FBN1: variants seen among roughly 807,000 people sequenced by gnomAD.
FBN1 encodes fibrillin 1.
A neutral mutation model predicts 365.1 loss-of-function variants in FBN1; 29 were observed. The ratio of observed to expected loss-of-function variants is 0.08; its 90% CI spans 0.06 to 0.11. The LOEUF (loss-of-function observed/expected upper bound fraction) is 0.11. Among genes scored for constraint, FBN1 ranks in the 10% least tolerant of loss-of-function variants. The pLI, the probability that FBN1 is intolerant of heterozygous loss-of-function variation, is 1.00. For synonymous variants in FBN1, 1,210 were observed against 1,270.5 expected (o/e 0.95, Z 1.01); for missense variants, 2,476 against 3,703.2 (o/e 0.67, Z 8.60).
intron 8 of FBN1, among the ~76,000 whole-genome samples, chr15:48,530,290 C>T (rs946139404): frequency 2.7e-5 from 4 of 146,886 alleles, no homozygotes; most frequent in Admixed American, 2.0e-4. Flanking sequence ...CATCCGCCGC[C>T]TGATCACAAC....
At chr15:48,607,488 T>C (rs1326714950) in intron 4 of FBN1, among the ~76,000 whole-genome samples, 1 of 150,624 alleles carries the variant, frequency 6.6e-6, no homozygotes, top group Non-Finnish European at 1.5e-5. Flanking sequence ...GTGATTAAGT[T>C]ATGCAGGCAG....
intron 17 of FBN1, among the ~76,000 whole-genome samples, chr15:48,502,983 C>T (rs963444514): frequency 1.3e-5 from 2 of 152,008 alleles, no homozygotes; most frequent in Non-Finnish European, 2.9e-5. Flanking sequence ...TTTTTTCTCT[C>T]AGGTTAAATC....
intron 7 of FBN1, among the ~76,000 whole-genome samples, 199 bp downstream of exon 7, chr15:48,537,412 G>T (rs1249355864): frequency 6.6e-6 from 1 of 152,160 alleles, no homozygotes; most frequent in Non-Finnish European, 1.5e-5. Flanking sequence ...GGAATGGTTG[G>T]CAAGAAAACA....
intron 2 of FBN1, among the ~76,000 whole-genome samples, chr15:48,621,067 T>C (rs1404481788): frequency 2.6e-5 from 4 of 152,132 alleles, no homozygotes; most frequent in African/African-American, 9.7e-5. Context: ...TGGATTACAA[T>C]ACCAAGTAAA....
intron 2 of FBN1, among the ~76,000 whole-genome samples, chr15:48,635,082 T>C (rs555771854): frequency 1.3e-5 from 2 of 152,364 alleles, no homozygotes; most frequent in South Asian, 4.1e-4. Context: ...TGTGTTTGGA[T>C]ACTTATATTT....
At chr15:48,545,779 T>A (rs2044089105) in intron 6 of FBN1, among the ~76,000 whole-genome samples, 1 of 152,152 alleles carries the variant, frequency 6.6e-6, no homozygotes, top group South Asian at 2.1e-4. Context: ...CCCAGCACTT[T>A]GGGAGGACGA....
chr15:48,505,916 C>T (rs2043704210), intron 15 of FBN1, among the ~76,000 whole-genome samples: 1 of 152,082 alleles, frequency 6.6e-6, no homozygotes, highest in Admixed American at 6.6e-5. Flanking sequence ...GGAAAACATA[C>T]AACACTTAGA....
intron 43 of FBN1, among the ~76,000 whole-genome samples, chr15:48,457,748 T>C (rs1232337951): frequency 1.3e-5 from 2 of 152,168 alleles, no homozygotes; most frequent in Admixed American, 6.5e-5. Flanking sequence ...CCTGTATTTA[T>C]TGGCTGAATT....
chr15:48,625,057 T>C (rs971199239), intron 2 of FBN1, among the ~76,000 whole-genome samples: 2 of 152,186 alleles, frequency 1.3e-5, no homozygotes, highest in African/African-American at 4.8e-5. Context: ...AAAGAAAGAA[T>C]GAGGTCTTTC....
chr15:48,417,997 G>A (rs1021609074), intron 63 of FBN1, among the ~76,000 whole-genome samples: 1 of 152,212 alleles, frequency 6.6e-6, no homozygotes. Flanking sequence ...AAACCTGCAA[G>A]GCGTGGGTAT....
At chr15:48,450,763 T>A (rs1453209368) in intron 45 of FBN1, among the ~76,000 whole-genome samples, 1 of 152,132 alleles carries the variant, frequency 6.6e-6, no homozygotes, top group Non-Finnish European at 1.5e-5. Flanking sequence ...GGATTTGAAA[T>A]AATGTGCTTA....
chr15:48,551,312 C>T (rs749668058), intron 6 of FBN1, among the ~76,000 whole-genome samples: 1 of 152,136 alleles, frequency 6.6e-6, no homozygotes, highest in Non-Finnish European at 1.5e-5. Flanking sequence ...TTCTTAGAAA[C>T]AAATGACGTC....
intron 6 of FBN1, among the ~76,000 whole-genome samples, chr15:48,582,790 A>G (rs2044405790): frequency 6.6e-6 from 1 of 152,190 alleles, no homozygotes; most frequent in Non-Finnish European, 1.5e-5. Flanking sequence ...GGGGAAAGCT[A>G]GGGATCAGAG....
At position 48,415,549 on chromosome 15, in the gene FBN1, G is replaced by A. The variant is rs794728283; in HGVS notation, c.8038C>T (p.Arg2680Cys). Reference protein sequence around the residue: ...YLCGCPPGYFRIGQGHCVSGM... With the variant: ...YLCGCPPGYFCIGQGHCVSGM... ...AGCACTGCTTACCCTTGGCCTATGC[G>A]GAAGTAACCAGGTGGACAGCCACAC... Residue 2680 changes from arginine (R) to cysteine (C), a missense_variant, in exon 64 of 66, where the codon CGC becomes TGC. Physicochemically the swap from Arg to Cys is radical, Grantham distance 180 (BLOSUM62 -3). This residue lies in a region of FBN1 where 1,780 missense variants were observed against 2,840.8 expected (regional missense o/e 0.63). Transcript: ENST00000316623. The A allele has an allele frequency of 6.2e-7, 1 of 1,613,448 alleles. No homozygotes were observed. The highest frequency in any genetic ancestry group is 8.5e-7 in the Non-Finnish European group (1 of 1,179,368).
chr15:48,597,771 T>C (rs2044527238), intron 5 of FBN1, among the ~76,000 whole-genome samples: 1 of 152,248 alleles, frequency 6.6e-6, no homozygotes, highest in Non-Finnish European at 1.5e-5. Context: ...CCTCTTGATT[T>C]ATAGTCAGGG....
chr15:48,492,961 T>C (rs1281494959), intron 23 of FBN1, among the ~76,000 whole-genome samples: 1 of 152,194 alleles, frequency 6.6e-6, no homozygotes, highest in East Asian at 1.9e-4. Context: ...ACCTGGTTTT[T>C]CAAACTAGCA....
At chr15:48,487,511 C>A in intron 27 of FBN1, 74 bp from the exon 28 acceptor site, 2 of 1,597,022 alleles carry the variant, frequency 1.3e-6, no homozygotes, top group Admixed American at 1.7e-5. Flanking sequence ...CCTCCCCCAC[C>A]CATTGCTGGG....
Position 48,535,461 on chromosome 15 carries a change from T to A in FBN1, c.737-1256A>T, listed in dbSNP as rs369105304. On this transcript the variant is annotated intron_variant, in intron 7 of 65. Transcript: ENST00000316623. ...AAATTAATCATTTCAGGCTCACTAC[T>A]TTTGTTATAAAGATTATAAAGTACA... Among the ~76,000 whole-genome samples, 57 of 152,342 alleles carry A rather than the reference T, an allele frequency of 3.7e-4. 2 individuals are homozygous for A. In the South Asian group the frequency reaches 7.7e-3, roughly 21 times the overall value.
rs560481043 is a variant in FBN1, at chr15:48,409,490, A to C, written c.*1500T>G. The C allele has an allele frequency of 1.3e-5, 2 of 152,206 alleles. No homozygotes were observed. Among genetic ancestry groups the C allele is most frequent in the African/African-American group, 4.8e-5 (2 of 41,446 alleles). 9.4% of individuals were successfully genotyped at this position (152,206 alleles called of 1,614,324 possible). A position where few individuals can be genotyped will look rare whatever the true frequency, so the allele number is the denominator to read the frequency against. ...TTTCCTGCCCTTAGGGATTTAAAAA[A>C]TTATTTCATATCGACGGATTGAGCC... On this transcript the variant is annotated 3_prime_UTR_variant, in exon 66 of 66. Transcript: ENST00000316623.
Sources: allele counts gnomAD v4.1 joint callset (sites outside exome capture counted in the v4.1 genomes callset), GRCh38; gene constraint gnomAD v4.1.1; regional missense constraint gnomAD v4.1.1; transcripts MANE v1.5; gene names NCBI Gene and HGNC (gene_info 2026-07-23, HGNC 2026-07-21).